The following TMEM132C variants were observed in gnomAD, a reference collection of about 807,000 sequenced individuals.
The protein encoded by TMEM132C is protein phosphatase 1, regulatory subunit 152.
A neutral mutation model predicts 61.4 loss-of-function variants in TMEM132C; 29 were observed. The ratio of observed to expected loss-of-function variants is 0.47; its 90% CI spans 0.35 to 0.64. The LOEUF is 0.64. Ranked by LOEUF, TMEM132C falls within the 30% of genes least tolerant of loss-of-function variation. The pLI, the probability that TMEM132C is intolerant of heterozygous loss-of-function variation, is 0.00. For missense variants in TMEM132C, 1,408 were observed against 1,476.9 expected (o/e 0.95, Z 0.76); for synonymous variants, 656 against 633.1 (o/e 1.04, Z -0.54).
At chr12:128,323,652 A>G (rs543677681) in intron 1 of TMEM132C, among the ~76,000 whole-genome samples, 1 of 152,228 alleles carries the variant, frequency 6.6e-6, no homozygotes, top group Non-Finnish European at 1.5e-5. Flanking sequence ...GGCTTTGCCA[A>G]TAAGCACGGT....
Position 128,705,319 on chromosome 12 carries a change from G to A in TMEM132C, c.2351G>A (p.Arg784His), listed in dbSNP as rs1316723217. The change falls in exon 9 of 9, where the codon CGC (arginine) becomes CAC (histidine). Residue 784 changes from arginine to histidine, a missense_variant. By Grantham distance (29) the Arg-to-His change is conservative (BLOSUM62 0). Transcript: ENST00000435159. Reference sequence around the variant, plus strand: ...GCCGAGGCCTGCCAGAAATCTAAACGCAAGAGCATCCTGGCTGTGGGCGTC... The same window carrying A: ...GCCGAGGCCTGCCAGAAATCTAAACACAAGAGCATCCTGGCTGTGGGCGTC... ...TIAEACQKSKRKSILAVGVGN... is the reference protein window; with the variant it reads ...TIAEACQKSKHKSILAVGVGN... 6 of 1,551,160 alleles carry A rather than the reference G, an allele frequency of 3.9e-6. No homozygotes were observed. The highest frequency in any genetic ancestry group is 5.2e-6 in the Non-Finnish European group (6 of 1,146,750).
intron 1 of TMEM132C, among the ~76,000 whole-genome samples, chr12:128,291,826 G>T (rs762312972): frequency 1.1e-4 from 17 of 152,232 alleles, no homozygotes; most frequent in Non-Finnish European, 2.5e-4. Context: ...ACAGGAGGGA[G>T]ATTGAAGTGG....
intron 3 of TMEM132C, among the ~76,000 whole-genome samples, chr12:128,576,513 C>G (rs983095329): frequency 6.6e-6 from 1 of 152,234 alleles, no homozygotes; most frequent in Non-Finnish European, 1.5e-5. Context: ...TGGCATGAGA[C>G]TTTCCCTTGG....
intron 3 of TMEM132C, among the ~76,000 whole-genome samples, chr12:128,601,719 G>T (rs1221244183): frequency 6.7e-6 from 1 of 150,364 alleles, no homozygotes; most frequent in Non-Finnish European, 1.5e-5. Context: ...GTAGGGAAGG[G>T]GATCAGTGCA....
intron 2 of TMEM132C, among the ~76,000 whole-genome samples, chr12:128,426,981 A>G (rs1396727952): frequency 6.6e-6 from 1 of 152,184 alleles, no homozygotes. Flanking sequence ...TGTGACATAT[A>G]GTCCCTTTCT....
chr12:128,498,853 C>G (rs1431471031), intron 2 of TMEM132C, among the ~76,000 whole-genome samples: 1 of 151,694 alleles, frequency 6.6e-6, no homozygotes, highest in Non-Finnish European at 1.5e-5. Flanking sequence ...TAAAAAAAAA[C>G]TGTTGAAAGA....
intron 4 of TMEM132C, among the ~76,000 whole-genome samples, chr12:128,636,597 T>C (rs1954106259): frequency 6.6e-6 from 1 of 151,660 alleles, no homozygotes. Context: ...TGTGTGTGTG[T>C]GTGTGTGTAT....
Position 128,505,274 on chromosome 12 carries a change from G to A in TMEM132C, c.975-38683G>A, listed in dbSNP as rs115136293. ...CCAATCAACCAACAGTCTTGAGAGG[G>A]CACCAGAGACAAGATAGATTGTTTC... On this transcript the variant is annotated intron_variant, in intron 2 of 8. Transcript: ENST00000435159. Among the ~76,000 whole-genome samples, 332 of 152,262 alleles carry A rather than the reference G, an allele frequency of 2.2e-3. 1 individual carries two copies. Among genetic ancestry groups the A allele is most frequent in the African/African-American group, 7.8e-3 (323 of 41,562 alleles).
chr12:128,427,004 G>T (rs1412544780), intron 2 of TMEM132C, among the ~76,000 whole-genome samples: 1 of 152,156 alleles, frequency 6.6e-6, no homozygotes, highest in Non-Finnish European at 1.5e-5. Context: ...CTAAAAATTT[G>T]TGTGGAGGAG....
chr12:128,519,747 C>A (rs1266138187), intron 2 of TMEM132C, among the ~76,000 whole-genome samples: 1 of 152,186 alleles, frequency 6.6e-6, no homozygotes, highest in Non-Finnish European at 1.5e-5. Flanking sequence ...AAGTCCTTGG[C>A]CAGTCAAAAT....
At chr12:128,680,167 G>A (rs2135639968) in intron 5 of TMEM132C, among the ~76,000 whole-genome samples, 1 of 152,318 alleles carries the variant, frequency 6.6e-6, no homozygotes, top group Non-Finnish European at 1.5e-5. Context: ...TACTCTCAGA[G>A]CAATATGACA....
chr12:128,548,056 G>T (rs1351831115), intron 3 of TMEM132C, among the ~76,000 whole-genome samples: 1 of 152,194 alleles, frequency 6.6e-6, no homozygotes, highest in Admixed American at 6.5e-5. Flanking sequence ...GATGGTAGCT[G>T]ATCTGGGGAG....
At chr12:128,370,459 A>G (rs1249442052) in intron 1 of TMEM132C, among the ~76,000 whole-genome samples, 2 of 152,050 alleles carry the variant, frequency 1.3e-5, no homozygotes, top group Non-Finnish European at 2.9e-5. Context: ...AGACGTTTCA[A>G]GGTACCCAGG....
intron 1 of TMEM132C, among the ~76,000 whole-genome samples, chr12:128,378,145 C>A (rs778704207): frequency 1.3e-5 from 2 of 150,288 alleles, no homozygotes; most frequent in African/African-American, 2.5e-5. Flanking sequence ...CATGGAGTCT[C>A]GCTCTGTCGC....
intron 2 of TMEM132C, among the ~76,000 whole-genome samples, chr12:128,460,093 A>G (rs1254843712): frequency 6.6e-6 from 1 of 152,120 alleles, no homozygotes; most frequent in Non-Finnish European, 1.5e-5. Flanking sequence ...TTCCCAGTGA[A>G]TTCTGCAGAA....
chr12:128,293,081 C>T (rs901573052), intron 1 of TMEM132C, among the ~76,000 whole-genome samples: 11 of 152,078 alleles, frequency 7.2e-5, no homozygotes, highest in Non-Finnish European at 1.0e-4. Context: ...TTTTTGTGAA[C>T]GGTAAGGAGT....
At chr12:128,538,813 A>C (rs1304289517) in intron 2 of TMEM132C, among the ~76,000 whole-genome samples, 2 of 152,038 alleles carry the variant, frequency 1.3e-5, no homozygotes, top group Non-Finnish European at 2.9e-5. Flanking sequence ...CTCCCATTTT[A>C]TCTCTCCATC....
At chr12:128,275,069 T>C (rs1870640135) in intron 1 of TMEM132C, among the ~76,000 whole-genome samples, 1 of 152,162 alleles carries the variant, frequency 6.6e-6, no homozygotes, top group Non-Finnish European at 1.5e-5. Context: ...AATCAACCAA[T>C]GTTCATTCCA....
Position 128,620,232 on chromosome 12 carries a change from C to CAGAA in TMEM132C, c.1305+3898_1305+3899insGAAA, listed in dbSNP as rs1294540958. Among the ~76,000 whole-genome samples the CAGAA allele has an allele frequency of 8.1e-5, 5 of 61,994 alleles. No individual in the cohort carries two copies. In the Admixed American group the frequency reaches 1.0e-3, roughly 13 times the overall value. 40.7% of individuals were successfully genotyped at this position (61,994 alleles called of 152,430 possible). On this transcript the variant is annotated intron_variant, in intron 4 of 8. Coordinates refer to ENST00000435159, the MANE Select transcript of TMEM132C (RefSeq NM_001136103.3). ...CAGGCAACAGAATGAGACCCTGTCT[C>CAGAA]AAAAAAAAAAAAAAAAAAAAAAGGA... is the stretch of plus-strand genomic sequence containing the variant.
Sources: gnomAD v4.1 joint callset for allele counts (sites outside exome capture counted in the v4.1 genomes callset) on GRCh38, gnomAD v4.1.1 for gene constraint, MANE v1.5 for transcripts, NCBI Gene and HGNC (gene_info 2026-07-23, HGNC 2026-07-21) for gene names.